The following RFX3 variants were observed in gnomAD, a reference collection of about 807,000 sequenced individuals.
The protein encoded by RFX3 is regulatory factor X3, also known as transcription factor RFX3.
Under a neutral mutation model 98.6 loss-of-function variants are expected in RFX3, and 14 were observed. That is an observed-to-expected ratio of 0.14 (90% CI 0.09 to 0.22). The LOEUF (loss-of-function observed/expected upper bound fraction) is 0.22, where lower values mean the gene tolerates loss of function less well. Among genes scored for constraint, RFX3 ranks in the 10% least tolerant of loss-of-function variants. The probability of loss-of-function intolerance (pLI) is 1.00; values close to 1 mark genes in which losing one functional copy is unlikely to be tolerated. For missense variants in RFX3, 639 were observed against 926.9 expected (o/e 0.69, Z 4.03); for synonymous variants, 383 against 328.4 (o/e 1.17, Z -1.80).
At chr9:3,413,619 CCT>C (rs142613901) in intron 1 of RFX3, among the ~76,000 whole-genome samples, 2,857 of 152,062 alleles carry the variant, frequency 0.019, 37 homozygotes, top group Non-Finnish European at 0.03. Flanking sequence ...AGAATTCATC[CCT>C]GTTTCTTTCT....
intron 15 of RFX3, among the ~76,000 whole-genome samples, chr9:3,235,593 T>C (rs952584627): frequency 6.6e-6 from 1 of 152,302 alleles, no homozygotes; most frequent in Middle Eastern, 3.4e-3. Flanking sequence ...TGTGGTTCTT[T>C]CTGAAGTGTC....
rs574709458 is a variant in RFX3, at chr9:3,418,649, G to A, written c.-8-23053C>T. 3.9e-5 allele frequency among the ~76,000 whole-genome samples: 6 copies of A among 152,200 alleles called. No individual in the cohort carries two copies. In the East Asian group the frequency reaches 1.2e-3, roughly 29 times the overall value. On this transcript the variant is annotated intron_variant, in intron 1 of 16. Coordinates refer to ENST00000617270, the MANE Select transcript of RFX3 (RefSeq NM_001282116.2). ...TCTGCCTTGGCCTCCCAAAGTGCTG[G>A]GATTACAGGTGTGAGCCTCTGTGCC...
intron 1 of RFX3, chr9:3,400,206 CAAGT>C (rs1841334437): frequency 1.0e-6 from 1 of 980,710 alleles, no homozygotes; most frequent in African/African-American, 1.8e-5. Flanking sequence ...TGCACAAAGA[CAAGT>C]AAGAAAGGCA....
chr9:3,253,892 T>A (rs1821758402), intron 14 of RFX3, among the ~76,000 whole-genome samples: 1 of 152,144 alleles, frequency 6.6e-6, no homozygotes, highest in Admixed American at 6.5e-5. Flanking sequence ...TAATTTTCAT[T>A]ACTCAATATG....
At chr9:3,516,467 A>G (rs776175078) in intron 1 of RFX3, among the ~76,000 whole-genome samples, 2 of 152,260 alleles carry the variant, frequency 1.3e-5, no homozygotes, top group East Asian at 3.8e-4. Context: ...ATTAAGAAAA[A>G]GAAAAGCAGT....
intron 5 of RFX3, among the ~76,000 whole-genome samples, chr9:3,297,089 G>A (rs2129868593): frequency 6.6e-6 from 1 of 152,148 alleles, no homozygotes; most frequent in South Asian, 2.1e-4. Context: ...AAAGGCACAG[G>A]CTCCATGAGC....
chr9:3,343,478 G>T (rs1834119466), intron 3 of RFX3, among the ~76,000 whole-genome samples: 1 of 152,020 alleles, frequency 6.6e-6, no homozygotes. Flanking sequence ...CAAATAAAAA[G>T]AAGTCATAGA....
intron 1 of RFX3, among the ~76,000 whole-genome samples, chr9:3,448,341 C>G (rs984646234): frequency 2.0e-5 from 3 of 152,076 alleles, no homozygotes; most frequent in African/African-American, 7.2e-5. Flanking sequence ...GGGATTTTGA[C>G]AAAGGATCCT....
At chr9:3,478,856 C>T (rs1171301615) in intron 1 of RFX3, among the ~76,000 whole-genome samples, 1 of 152,200 alleles carries the variant, frequency 6.6e-6, no homozygotes, top group East Asian at 1.9e-4. Context: ...AGGCAATTGA[C>T]ATTTTGCCAA....
intron 13 of RFX3, among the ~76,000 whole-genome samples, chr9:3,262,496 A>C (rs1003429756): frequency 6.6e-6 from 1 of 152,196 alleles, no homozygotes; most frequent in Non-Finnish European, 1.5e-5. Context: ...ACAAAATAGA[A>C]ATATCTCTGC....
chr9:3,339,736 A>G, intron 3 of RFX3, among the ~76,000 whole-genome samples: 1 of 152,108 alleles, frequency 6.6e-6, no homozygotes, highest in Non-Finnish European at 1.5e-5. Context: ...AGAATGAAAT[A>G]AAAATGAAAT....
intron 1 of RFX3, among the ~76,000 whole-genome samples, chr9:3,500,573 A>G (rs1446493119): frequency 1.3e-5 from 2 of 152,220 alleles, no homozygotes; most frequent in African/African-American, 4.8e-5. Flanking sequence ...TTAATTTTAC[A>G]AAGAATTAAT....
At chr9:3,368,267 T>C (rs1739211193) in intron 2 of RFX3, among the ~76,000 whole-genome samples, 1 of 152,174 alleles carries the variant, frequency 6.6e-6, no homozygotes, top group Admixed American at 6.5e-5. Flanking sequence ...AAAGAAAATT[T>C]TAATGATACC....
At chr9:3,319,609 A>C (rs1831021468) in intron 4 of RFX3, among the ~76,000 whole-genome samples, 7 of 152,228 alleles carry the variant, frequency 4.6e-5, no homozygotes, top group Admixed American at 4.6e-4. Flanking sequence ...TCTAAAATTA[A>C]TCAATTGATA....
chr9:3,362,950 A>G (rs1260511911), intron 2 of RFX3, among the ~76,000 whole-genome samples: 1 of 151,976 alleles, frequency 6.6e-6, no homozygotes, highest in Non-Finnish European at 1.5e-5. Flanking sequence ...AAAACAGGAT[A>G]GATATTACAT....
At chr9:3,460,443 A>C (rs1003998937) in intron 1 of RFX3, among the ~76,000 whole-genome samples, 1 of 151,986 alleles carries the variant, frequency 6.6e-6, no homozygotes, top group Non-Finnish European at 1.5e-5. Context: ...TATTTTTTAA[A>C]AGTCCTTGTT....
intron 2 of RFX3, among the ~76,000 whole-genome samples, chr9:3,378,844 C>A (rs1244263627): frequency 6.6e-6 from 1 of 152,106 alleles, no homozygotes; most frequent in African/African-American, 2.4e-5. Context: ...GCGTGAACTA[C>A]CATGCCCGGC....
intron 4 of RFX3, among the ~76,000 whole-genome samples, chr9:3,316,638 GC>G (rs1400626174): frequency 2.1e-4 from 32 of 152,288 alleles, no homozygotes; most frequent in African/African-American, 7.7e-4. Context: ...CATTGTCTCA[GC>G]CCAAAATCTC....
intron 1 of RFX3, among the ~76,000 whole-genome samples, chr9:3,489,090 A>T (rs1453164731): frequency 6.6e-6 from 1 of 152,068 alleles, no homozygotes; most frequent in Admixed American, 6.6e-5. Flanking sequence ...TACATGCTTA[A>T]AAAAAAGTAA....
Sources: allele counts gnomAD v4.1 joint callset (sites outside exome capture counted in the v4.1 genomes callset), GRCh38; gene constraint gnomAD v4.1.1; transcripts MANE v1.5; gene names NCBI Gene and HGNC (gene_info 2026-07-23, HGNC 2026-07-21).